Variants in RAB14 observed in about 807,000 individuals in gnomAD.
RAB14 encodes ras-related protein Rab-14.
RAB14 carries 3 observed loss-of-function variants against 31.1 expected under a neutral mutation model. The observed-to-expected ratio is 0.10, with a 90% confidence interval of 0.04 to 0.25. RAB14 has a LOEUF of 0.25. RAB14 is among the 10% of genes least tolerant of loss of function. The pLI is 1.00. For missense variants in RAB14, 111 were observed against 260.1 expected, an observed-to-expected ratio of 0.43 and a Z score of 3.94; for synonymous variants, 85 against 84.9, an observed-to-expected ratio of 1.00 and a Z score of 0.00.
chr9:121,183,291 TA>T lies in RAB14; in HGVS notation c.439+19del. 6.3e-7 allele frequency: 1 copy of T among 1,575,900 alleles called. No homozygotes were observed. Among genetic ancestry groups the T allele is most frequent in the Middle Eastern group, 1.7e-4 (1 of 5,994 alleles). On this transcript the variant is annotated intron_variant, in intron 6 of 7. Coordinates refer to ENST00000373840, the MANE Select transcript of RAB14 (RefSeq NM_016322.4). ...TAAAAATTCTCCCAATTGTGACCAT[TA>T]AGTCTTAAAGAAACTCACCATTTTC...
At chr9:121,182,820 T>G (rs2053640261) in intron 7 of RAB14, 110 bp downstream of exon 7, 1 of 724,816 alleles carries the variant, frequency 1.4e-6, no homozygotes. Context: ...CATTACACAT[T>G]TATAGATAGT....
chr9:121,185,198 G>A (rs574111726), intron 5 of RAB14, among the ~76,000 whole-genome samples: 2 of 152,154 alleles, frequency 1.3e-5, no homozygotes, highest in Admixed American at 6.5e-5. Flanking sequence ...ACTCCTCCAC[G>A]GGCCCTCTAC....
At chr9:121,200,526 C>G (rs534283385) in intron 1 of RAB14, among the ~76,000 whole-genome samples, 2 of 152,292 alleles carry the variant, frequency 1.3e-5, no homozygotes, top group East Asian at 3.9e-4. Context: ...CCTGGCATCT[C>G]TCCTTTGGGG....
At chr9:121,191,656 G>A (rs999468942) in intron 3 of RAB14, among the ~76,000 whole-genome samples, 2 of 152,112 alleles carry the variant, frequency 1.3e-5, no homozygotes, top group Non-Finnish European at 2.9e-5. Context: ...TTCATAAAAT[G>A]TTACATCAAA....
intron 1 of RAB14, among the ~76,000 whole-genome samples, chr9:121,200,880 C>T (rs1456738744): frequency 6.6e-6 from 1 of 152,172 alleles, no homozygotes; most frequent in African/African-American, 2.4e-5. Flanking sequence ...ATGTACCTGG[C>T]CCACAGTTAA....
At chr9:121,201,525 C>T (rs972287291) in intron 1 of RAB14, 114 bp downstream of exon 1, 4 of 152,332 alleles carry the variant, frequency 2.6e-5, no homozygotes, top group Non-Finnish European at 5.9e-5. Flanking sequence ...GGGGCCTGGC[C>T]CCGGGGCGCC....
At chr9:121,189,020 C>T (rs756080093) in intron 4 of RAB14, among the ~76,000 whole-genome samples, 7 of 152,038 alleles carry the variant, frequency 4.6e-5, no homozygotes, top group Non-Finnish European at 1.0e-4. Context: ...TATAAATTCT[C>T]GATATTTCAT....
intron 1 of RAB14, among the ~76,000 whole-genome samples, chr9:121,201,290 G>C (rs555740179): frequency 2.6e-5 from 4 of 152,112 alleles, no homozygotes; most frequent in African/African-American, 9.7e-5. Context: ...AGCGGCGAGA[G>C]GGGGGCCCGC....
chr9:121,200,665 G>A lies in RAB14; in HGVS notation c.-8+974C>T, dbSNP rs1108996. ...TAAAGTTGTAACTACATTATAAATG[G>A]TCATGTCTGTAACCCTAGCCTAATT... On this transcript the variant is annotated intron_variant, in intron 1 of 7. Coordinates refer to ENST00000373840, the MANE Select transcript of RAB14 (RefSeq NM_016322.4). Among the ~76,000 whole-genome samples, 536 of 152,250 alleles carry A rather than the reference G, an allele frequency of 3.5e-3. 3 individuals are homozygous for A. Among genetic ancestry groups the A allele is most frequent in the African/African-American group, 0.012 (502 of 41,554 alleles).
intron 2 of RAB14, among the ~76,000 whole-genome samples, chr9:121,192,841 A>T (rs1292417038): frequency 6.6e-6 from 1 of 152,190 alleles, no homozygotes; most frequent in Non-Finnish European, 1.5e-5. Flanking sequence ...AATTCATTGA[A>T]AAACGTGTAC....
chr9:121,189,671 G>A (rs1191801951), intron 4 of RAB14, among the ~76,000 whole-genome samples: 1 of 152,070 alleles, frequency 6.6e-6, no homozygotes, highest in Non-Finnish European at 1.5e-5. Flanking sequence ...TCTTACTGCA[G>A]AACTTCCCAG....
chr9:121,181,708 G>A, intron 7 of RAB14, 135 bp from the exon 8 acceptor site: 3 of 394,990 alleles, frequency 7.6e-6, no homozygotes, highest in South Asian at 1.2e-4. Flanking sequence ...GAGATTACCA[G>A]AACACTGAGC....
Position 121,193,407 on chromosome 9 carries a change from T to C in RAB14, c.6A>G (p.Ala2=). The part of the protein sequence containing the change: M[A]TAPYNYSYIF... The stretch of plus-strand genomic sequence containing the variant: ...TGTAAGAGTAGTTGTATGGTGCAGT[T>C]GCCATGGTGGCACTAAAAACAAAGA... The change falls in exon 2 of 8, where the codon GCA becomes GCG. Residue 2 remains alanine, a synonymous_variant. Coordinates refer to ENST00000373840, the MANE Select transcript of RAB14 (RefSeq NM_016322.4). 2 of 1,582,472 alleles carry C rather than the reference T, an allele frequency of 1.3e-6. No individual in the cohort carries two copies. Among genetic ancestry groups the C allele is most frequent in the Non-Finnish European group, 1.7e-6 (2 of 1,168,292 alleles).
chr9:121,193,427 CAAAG>C lies in RAB14; in HGVS notation c.-7-12_-7-9del. On this transcript the variant is annotated splice_polypyrimidine_tract_variant and intron_variant, in intron 1 of 7. Transcript: ENST00000373840. The stretch of plus-strand genomic sequence containing the variant: ...GCAGTTGCCATGGTGGCACTAAAAA[CAAAG>C]AAATCTCTGTTACTTCAGAAGGAAA... 6.4e-7 allele frequency: 1 copy of C among 1,556,540 alleles called. No individual in the cohort carries two copies. Among genetic ancestry groups the C allele is most frequent in the Non-Finnish European group, 8.7e-7 (1 of 1,148,796 alleles).
chr9:121,199,140 GCACTT>G (rs1311720195), intron 1 of RAB14, among the ~76,000 whole-genome samples: 1 of 151,904 alleles, frequency 6.6e-6, no homozygotes, highest in Non-Finnish European at 1.5e-5. Flanking sequence ...AAAAACCCCT[GCACTT>G]ACTGCTCAAG....
intron 1 of RAB14, 111 bp downstream of exon 1, chr9:121,201,528 G>C (rs1477316442): frequency 6.6e-6 from 1 of 152,350 alleles, no homozygotes; most frequent in Non-Finnish European, 1.5e-5. Context: ...GCCTGGCCCC[G>C]GGGCGCCGCC....
At chr9:121,185,234 C>T (rs2053652702) in intron 5 of RAB14, among the ~76,000 whole-genome samples, 1 of 152,252 alleles carries the variant, frequency 6.6e-6, no homozygotes, top group South Asian at 2.1e-4. Flanking sequence ...TAATATTTTA[C>T]TTGAAATAGC....
In RAB14 at chr9:121,181,157, GA is replaced by G. The variant is rs556892549; in HGVS notation, c.*238del. Reference sequence around the variant, plus strand: ...ACATACTTATCACGAGGACAAGGGGGAAAAAAAGTCTAGATTTACCATGCAG... The same window carrying G: ...ACATACTTATCACGAGGACAAGGGGGAAAAAAGTCTAGATTTACCATGCAG... On this transcript the variant is annotated 3_prime_UTR_variant, in exon 8 of 8. Coordinates refer to ENST00000373840, the MANE Select transcript of RAB14 (RefSeq NM_016322.4). 6.8e-5 allele frequency: 25 copies of G among 365,574 alleles called. No homozygotes were observed. Among genetic ancestry groups the G allele is most frequent in the Middle Eastern group, 1.4e-3 (2 of 1,416 alleles). The allele number at this position is 365,574 out of a possible 1,614,324, so 22.6% of individuals were successfully genotyped here. A position where few individuals can be genotyped will look rare whatever the true frequency, so the allele number is the denominator to read the frequency against.
At chr9:121,185,965 T>C (rs2132023440) in intron 5 of RAB14, among the ~76,000 whole-genome samples, 1 of 152,106 alleles carries the variant, frequency 6.6e-6, no homozygotes, top group East Asian at 1.9e-4. Flanking sequence ...AGGCAAACAA[T>C]GTTAACTGAC....
Sources: gnomAD v4.1 joint callset for allele counts (sites outside exome capture counted in the v4.1 genomes callset) on GRCh38, gnomAD v4.1.1 for gene constraint, MANE v1.5 for transcripts, NCBI Gene and HGNC (gene_info 2026-07-23, HGNC 2026-07-21) for gene names.